CCDC91: variants seen among roughly 807,000 people sequenced by gnomAD.
CCDC91 encodes the protein coiled-coil domain-containing protein 91.
A neutral mutation model predicts 63.2 loss-of-function variants in CCDC91; 48 were observed. The observed-to-expected ratio is 0.76, with a 90% CI of 0.60 to 0.97. The LOEUF (loss-of-function observed/expected upper bound fraction) is 0.97, where lower values mean the gene tolerates loss of function less well. CCDC91 is among the 50% of genes least tolerant of loss of function. The probability of loss-of-function intolerance (pLI) is 0.00; values close to 1 mark genes in which losing one functional copy is unlikely to be tolerated. For missense variants in CCDC91, 500 were observed against 494.6 expected, an observed-to-expected ratio of 1.01 and a Z score of -0.10; for synonymous variants, 167 against 165.8, an observed-to-expected ratio of 1.01 and a Z score of -0.06.
chr12:28,413,453 GT>G (rs1182980132), intron 8 of CCDC91, among the ~76,000 whole-genome samples: 1 of 151,864 alleles, frequency 6.6e-6, no homozygotes, highest in African/African-American at 2.4e-5. Context: ...ACTAATATTT[GT>G]TTTTGTCTGA....
intron 1 of CCDC91, among the ~76,000 whole-genome samples, chr12:28,212,581 G>C (rs1943302015): frequency 6.6e-6 from 1 of 152,144 alleles, no homozygotes; most frequent in Non-Finnish European, 1.5e-5. Context: ...CATCCACAAG[G>C]ACTCAGATAT....
intron 12 of CCDC91, among the ~76,000 whole-genome samples, chr12:28,510,866 A>C (rs114990348): frequency 0.012 from 1,808 of 151,932 alleles, 46 homozygotes; most frequent in African/African-American, 0.042. Context: ...CTGGGAAGAA[A>C]GTCTTAGCAT....
Position 28,539,761 on chromosome 12 carries a change from C to T in CCDC91, c.1216-9302C>T, listed in dbSNP as rs185045766. ...GAGGCAGCAGTGATTTTAAGAGTAC[C>T]GACAAGGAGGGCGTTTTCCTGCTTG... On this transcript the variant is annotated intron_variant, in intron 12 of 12. Transcript: ENST00000536442. 1.1e-4 allele frequency among the ~76,000 whole-genome samples: 17 copies of T among 152,086 alleles called. No homozygotes were observed. The East Asian group carries it at 1.7e-3, about 16-fold the overall frequency.
chr12:28,253,937 GT>G (rs1232049057), intron 1 of CCDC91, among the ~76,000 whole-genome samples: 1 of 151,970 alleles, frequency 6.6e-6, no homozygotes, highest in African/African-American at 2.4e-5. Flanking sequence ...TACATCTTAT[GT>G]TATTTGTATT....
At chr12:28,537,074 A>T (rs1229277002) in intron 12 of CCDC91, among the ~76,000 whole-genome samples, 1 of 152,072 alleles carries the variant, frequency 6.6e-6, no homozygotes, top group African/African-American at 2.4e-5. Flanking sequence ...TTTTTTCAGG[A>T]CCTGAGTTAA....
chr12:28,390,555 T>A (rs1361382121), intron 7 of CCDC91, among the ~76,000 whole-genome samples: 1 of 151,960 alleles, frequency 6.6e-6, no homozygotes, highest in Non-Finnish European at 1.5e-5. Flanking sequence ...AGGAAGTGAG[T>A]GGGTGAAACA....
chr12:28,395,539 T>TA (rs1946237086), intron 8 of CCDC91, among the ~76,000 whole-genome samples: 1 of 152,110 alleles, frequency 6.6e-6, no homozygotes, highest in Non-Finnish European at 1.5e-5. Flanking sequence ...ACATTTTACT[T>TA]ACGTTTCTTG....
intron 3 of CCDC91, among the ~76,000 whole-genome samples, chr12:28,290,792 G>C (rs1369406705): frequency 1.4e-5 from 2 of 147,028 alleles, no homozygotes; most frequent in African/African-American, 5.0e-5. Flanking sequence ...TTACCTTAAA[G>C]ATTAGTTTGT....
intron 1 of CCDC91, among the ~76,000 whole-genome samples, chr12:28,232,784 A>G (rs1391242560): frequency 6.6e-6 from 1 of 151,994 alleles, no homozygotes; most frequent in Non-Finnish European, 1.5e-5. Flanking sequence ...GTTTCAGTAA[A>G]CTGCTCTATG....
intron 8 of CCDC91, among the ~76,000 whole-genome samples, chr12:28,426,922 T>C (rs1424796565): frequency 6.6e-6 from 1 of 152,162 alleles, no homozygotes; most frequent in African/African-American, 2.4e-5. Context: ...GGACTTTTAA[T>C]GTAAATTTGG....
chr12:28,209,358 A>G (rs1264027246), intron 1 of CCDC91, among the ~76,000 whole-genome samples: 2 of 152,252 alleles, frequency 1.3e-5, no homozygotes, highest in Non-Finnish European at 2.9e-5. Context: ...TTTATGGAAA[A>G]GCTGAAAAAT....
At chr12:28,360,607 G>A (rs1032027835) in intron 6 of CCDC91, among the ~76,000 whole-genome samples, 14 of 152,226 alleles carry the variant, frequency 9.2e-5, no homozygotes, top group Admixed American at 3.9e-4. Context: ...TGATTGAGAT[G>A]TATTCTTTAT....
chr12:28,242,056 TATC>T (rs1945379450), intron 1 of CCDC91, among the ~76,000 whole-genome samples: 2 of 151,724 alleles, frequency 1.3e-5, no homozygotes, highest in Non-Finnish European at 2.9e-5. Flanking sequence ...ATCACCTTGT[TATC>T]ATATAAAGTT....
chr12:28,366,767 C>G (rs1944301327), intron 7 of CCDC91, among the ~76,000 whole-genome samples: 1 of 151,960 alleles, frequency 6.6e-6, no homozygotes, highest in African/African-American at 2.4e-5. Flanking sequence ...AGTAATGAGG[C>G]CACTCCTCTG....
intron 1 of CCDC91, among the ~76,000 whole-genome samples, chr12:28,230,223 T>C (rs1363287510): frequency 5.3e-5 from 8 of 152,308 alleles, no homozygotes; most frequent in Admixed American, 3.9e-4. Flanking sequence ...TTGGCCAATG[T>C]ATTTTTGATA....
intron 1 of CCDC91, among the ~76,000 whole-genome samples, chr12:28,213,123 G>C (rs764232557): frequency 6.6e-6 from 1 of 152,164 alleles, no homozygotes; most frequent in Non-Finnish European, 1.5e-5. Context: ...CACACACCTA[G>C]TGGGAATGGC....
chr12:28,341,807 C>T (rs1194579224), intron 6 of CCDC91, among the ~76,000 whole-genome samples: 1 of 151,994 alleles, frequency 6.6e-6, no homozygotes, highest in Non-Finnish European at 1.5e-5. Flanking sequence ...GCCATCCAGG[C>T]CAAGAAAAGT....
intron 8 of CCDC91, among the ~76,000 whole-genome samples, chr12:28,441,513 TA>T (rs1219843787): frequency 2.0e-5 from 3 of 151,890 alleles, no homozygotes; most frequent in African/African-American, 4.8e-5. Context: ...TGCTTAGTAA[TA>T]AAAAGGAATT....
intron 12 of CCDC91, among the ~76,000 whole-genome samples, chr12:28,530,684 G>C (rs1029715663): frequency 6.6e-6 from 1 of 152,090 alleles, no homozygotes; most frequent in Non-Finnish European, 1.5e-5. Context: ...TGGATTCAAA[G>C]AGTAATTTTT....
Sources: allele counts gnomAD v4.1 joint callset (sites outside exome capture counted in the v4.1 genomes callset), GRCh38; gene constraint gnomAD v4.1.1; transcripts MANE v1.5; gene names NCBI Gene and HGNC (gene_info 2026-07-23, HGNC 2026-07-21).